The following SLC2A9 variants were observed in gnomAD, a reference collection of about 807,000 sequenced individuals.
The protein encoded by SLC2A9 is solute carrier family 2, facilitated glucose transporter member 9.
Under a neutral mutation model 50.6 loss-of-function variants are expected in SLC2A9, and 39 were observed. The ratio of observed to expected loss-of-function variants is 0.77; its 90% confidence interval spans 0.60 to 1.01. The LOEUF (loss-of-function observed/expected upper bound fraction) is 1.01. Ranked by LOEUF, SLC2A9 falls within the 50% of genes least tolerant of loss-of-function variation. SLC2A9 has a pLI of 0.00. For missense variants in SLC2A9, 686 were observed against 677.6 expected, an observed-to-expected ratio of 1.01 and a Z score of -0.14; for synonymous variants, 324 against 276.9, an observed-to-expected ratio of 1.17 and a Z score of -1.69.
At chr4:9,890,548 G>T in intron 9 of SLC2A9, 62 bp downstream of exon 9, 1 of 1,507,006 alleles carries the variant, frequency 6.6e-7, no homozygotes, top group Non-Finnish European at 9.2e-7. Context: ...GCCCCAAAAC[G>T]ATGAAGCCAG....
intron 5 of SLC2A9, among the ~76,000 whole-genome samples, chr4:9,961,355 A>C (rs1018417521): frequency 2.6e-5 from 4 of 152,224 alleles, no homozygotes; most frequent in African/African-American, 9.6e-5. Flanking sequence ...TGATACAAAA[A>C]CAGACATATA....
intron 6 of SLC2A9, among the ~76,000 whole-genome samples, chr4:9,924,547 C>A (rs1180979393): frequency 6.6e-6 from 1 of 152,192 alleles, no homozygotes; most frequent in Non-Finnish European, 1.5e-5. Flanking sequence ...CTTCCCTGTG[C>A]CATTTCCCAG....
chr4:9,936,062 C>A (rs1368959095), intron 6 of SLC2A9, among the ~76,000 whole-genome samples: 2 of 152,098 alleles, frequency 1.3e-5, no homozygotes, highest in Non-Finnish European at 2.9e-5. Context: ...CTGCCTCCTG[C>A]GAGAAATTGG....
chr4:9,987,822 C>T (rs908928485), intron 3 of SLC2A9, among the ~76,000 whole-genome samples: 10 of 151,412 alleles, frequency 6.6e-5, no homozygotes, highest in South Asian at 2.1e-4. Flanking sequence ...AGCGAGACTC[C>T]GTCTTGAAAA....
At chr4:9,983,143 C>G (rs560079376) in intron 4 of SLC2A9, among the ~76,000 whole-genome samples, 2 of 152,324 alleles carry the variant, frequency 1.3e-5, no homozygotes, top group African/African-American at 4.8e-5. Flanking sequence ...GCTGGGATTA[C>G]AGGTGTGAGC....
At chr4:9,837,542 G>A (rs989257197) in intron 10 of SLC2A9, among the ~76,000 whole-genome samples, 16 of 152,154 alleles carry the variant, frequency 1.1e-4, no homozygotes, top group Admixed American at 2.0e-4. Context: ...AATGGAATGC[G>A]GTACATCAAT....
At chr4:9,807,375 C>G (rs1442514540) in intron 3 of SLC2A9, among the ~76,000 whole-genome samples, 2 of 152,198 alleles carry the variant, frequency 1.3e-5, no homozygotes, top group African/African-American at 4.8e-5. Context: ...GCTGAAATGT[C>G]TCTTCCTCCA....
At chr4:9,782,887 T>C in intron 3 of SLC2A9, 3 of 1,614,012 alleles carry the variant, frequency 1.9e-6, no homozygotes, top group Non-Finnish European at 2.5e-6. Flanking sequence ...GCCTGCGCGC[T>C]TCCATCAAGA....
chr4:9,814,271 A>C (rs536456172), intron 3 of SLC2A9, among the ~76,000 whole-genome samples: 1 of 152,372 alleles, frequency 6.6e-6, no homozygotes, highest in South Asian at 2.1e-4. Context: ...AACTTCTTGA[A>C]GGTAGGTATT....
At chr4:9,803,957 T>C (rs982052365) in intron 3 of SLC2A9, among the ~76,000 whole-genome samples, 53 of 152,356 alleles carry the variant, frequency 3.5e-4, no homozygotes, top group African/African-American at 1.1e-3. Context: ...CTAAAGGTTA[T>C]ATCTATTCAT....
chr4:10,014,572 G>A (rs1238499972), intron 2 of SLC2A9, among the ~76,000 whole-genome samples: 3 of 152,110 alleles, frequency 2.0e-5, no homozygotes, highest in Non-Finnish European at 4.4e-5. Context: ...CCCACATCCA[G>A]CTACCCTTAG....
chr4:9,940,826 A>C (rs1444643380), intron 6 of SLC2A9, among the ~76,000 whole-genome samples: 1 of 152,262 alleles, frequency 6.6e-6, no homozygotes, highest in Non-Finnish European at 1.5e-5. Context: ...GAATTTCAAA[A>C]GATGTTGCAC....
chr4:9,980,885 G>C (rs1433456752), intron 4 of SLC2A9, 148 bp from the exon 5 acceptor site: 1 of 1,020,138 alleles, frequency 9.8e-7, no homozygotes, highest in East Asian at 2.6e-5. Context: ...AGCACAAATT[G>C]CCAAAGCTTT....
chr4:9,928,763 A>C (rs1234196927), intron 6 of SLC2A9, among the ~76,000 whole-genome samples: 1 of 152,108 alleles, frequency 6.6e-6, no homozygotes, highest in Non-Finnish European at 1.5e-5. Context: ...AACAAACAAA[A>C]AACTCTCGGA....
chr4:9,772,166 A>G (rs969126040), intron 1 of SLC2A9, among the ~76,000 whole-genome samples: 1 of 152,150 alleles, frequency 6.6e-6, no homozygotes, highest in Admixed American at 6.5e-5. Context: ...GTGGGGGTGA[A>G]GACATCAGCA....
At chr4:9,782,027 GAAAT>G in intron 3 of SLC2A9, 1 of 1,457,684 alleles carries the variant, frequency 6.9e-7, no homozygotes, top group Non-Finnish European at 9.0e-7. Context: ...AGTCCAGCCC[GAAAT>G]GCTGCCGCCA....
chr4:9,771,608 C>T (rs1716829280), intron 1 of SLC2A9, among the ~76,000 whole-genome samples: 1 of 152,208 alleles, frequency 6.6e-6, no homozygotes, highest in African/African-American at 2.4e-5. Flanking sequence ...AGGCTGACTC[C>T]AAGAGGCTAA....
intron 10 of SLC2A9, among the ~76,000 whole-genome samples, chr4:9,838,106 T>C (rs1256741188): frequency 6.6e-6 from 1 of 152,146 alleles, no homozygotes; most frequent in Non-Finnish European, 1.5e-5. Context: ...ATAATAATAA[T>C]AATCAAGACT....
intron 10 of SLC2A9, among the ~76,000 whole-genome samples, chr4:9,864,166 C>A (rs1257477887): frequency 6.6e-6 from 1 of 152,016 alleles, no homozygotes; most frequent in Non-Finnish European, 1.5e-5. Context: ...TCTTCTTTGC[C>A]ATTTGGGGAT....
Sources: allele counts gnomAD v4.1 joint callset (sites outside exome capture counted in the v4.1 genomes callset), GRCh38; gene constraint gnomAD v4.1.1; transcripts MANE v1.5; gene names NCBI Gene and HGNC (gene_info 2026-07-23, HGNC 2026-07-21).